The following FRMD4B variants were observed in gnomAD, a reference collection of about 807,000 sequenced individuals.
FRMD4B encodes the protein FERM domain-containing protein 4B.
A neutral mutation model predicts 141.5 loss-of-function variants in FRMD4B; 74 were observed. The observed-to-expected ratio is 0.52, with a 90% CI of 0.43 to 0.63. The LOEUF (loss-of-function observed/expected upper bound fraction) is 0.63. Among genes scored for constraint, FRMD4B ranks in the 30% least tolerant of loss-of-function variants. FRMD4B has a pLI of 0.00. For synonymous variants in FRMD4B, 506 were observed against 467.9 expected, an observed-to-expected ratio of 1.08 and a Z score of -1.05; for missense variants, 1,366 against 1,253.4, an observed-to-expected ratio of 1.09 and a Z score of -1.36.
At chr3:69,211,479 TCAAA>T (rs1191833831) in intron 11 of FRMD4B, among the ~76,000 whole-genome samples, 2 of 151,828 alleles carry the variant, frequency 1.3e-5, no homozygotes, top group Non-Finnish European at 2.9e-5. Context: ...CCCTGGGAGG[TCAAA>T]CAAATACCTC....
At chr3:69,334,418 G>A (rs913534857) in intron 1 of FRMD4B, 8 of 144,168 alleles carry the variant, frequency 5.5e-5, no homozygotes, top group Non-Finnish European at 1.0e-4. Context: ...CAGATTGCTT[G>A]AAGCCAGGAG....
intron 11 of FRMD4B, among the ~76,000 whole-genome samples, chr3:69,202,245 T>C (rs1387731187): frequency 6.6e-6 from 1 of 152,098 alleles, no homozygotes; most frequent in Non-Finnish European, 1.5e-5. Flanking sequence ...ACCAATGGTC[T>C]GTATTTGAGG....
At chr3:69,531,540 T>G (rs1483873643) in intron 1 of FRMD4B, among the ~76,000 whole-genome samples, 1 of 152,252 alleles carries the variant, frequency 6.6e-6, no homozygotes, top group Non-Finnish European at 1.5e-5. Flanking sequence ...CAACACTATG[T>G]AAATGAAACT....
rs768393120 is a variant in FRMD4B, at chr3:69,287,767, C to A, written c.486G>T (p.Lys162Asn). The change falls in exon 5 of 23, where the codon AAG becomes AAT. Residue 162 changes from lysine (K) to asparagine (N), a missense_variant. By Grantham distance (94) the Lys-to-Asn change is moderately conservative. Coordinates refer to ENST00000398540, the MANE Select transcript of FRMD4B (RefSeq NM_015123.3). ...TTVELFFLNA[K>N]ACVHKGQIEV... ...GGGCACCTACCTTGTGCACACAGGC[C>A]TTTGCATTCAGGAAAAACAGCTCCA... 13 of 1,591,884 alleles carry A rather than the reference C, an allele frequency of 8.2e-6. No homozygotes were observed. The highest frequency in any genetic ancestry group is 1.7e-5 in the Admixed American group (1 of 59,720).
intron 1 of FRMD4B, among the ~76,000 whole-genome samples, chr3:69,381,439 C>G (rs937630391): frequency 2.0e-5 from 3 of 152,196 alleles, no homozygotes; most frequent in Non-Finnish European, 4.4e-5. Context: ...CCTTCCCACC[C>G]TATTTCTCTC....
At chr3:69,344,003 C>T (rs1559818575) in intron 1 of FRMD4B, among the ~76,000 whole-genome samples, 1 of 152,312 alleles carries the variant, frequency 6.6e-6, no homozygotes, top group East Asian at 1.9e-4. Flanking sequence ...GCATCTTATT[C>T]ACCTCTGTAA....
At chr3:69,186,072 A>G (rs929692427) in intron 19 of FRMD4B, among the ~76,000 whole-genome samples, 68 of 151,996 alleles carry the variant, frequency 4.5e-4, no homozygotes, top group African/African-American at 1.6e-3. Context: ...GCTCAATAGA[A>G]ATGTTATATG....
intron 1 of FRMD4B, among the ~76,000 whole-genome samples, chr3:69,322,000 G>A (rs577735377): frequency 1.4e-4 from 21 of 152,218 alleles, no homozygotes; most frequent in African/African-American, 4.8e-4. Flanking sequence ...GAGCCATTGC[G>A]TCTGGCTCAC....
At chr3:69,307,096 C>A (rs1473034067) in intron 3 of FRMD4B, among the ~76,000 whole-genome samples, 1 of 152,048 alleles carries the variant, frequency 6.6e-6, no homozygotes, top group Non-Finnish European at 1.5e-5. Context: ...CAGGAGACAC[C>A]TCCCCAAACT....
intron 22 of FRMD4B, 49 bp downstream of exon 22, chr3:69,176,475 C>A: frequency 6.5e-7 from 1 of 1,532,520 alleles, no homozygotes; most frequent in Non-Finnish European, 9.0e-7. Context: ...TCCCTGAATT[C>A]TTTTGAACTG....
chr3:69,219,162 CAA>C (rs34697144), intron 9 of FRMD4B, among the ~76,000 whole-genome samples: 4 of 130,908 alleles, frequency 3.1e-5, no homozygotes, highest in African/African-American at 5.8e-5. Context: ...GAGAATCTGT[CAA>C]AAAAAAAAAA....
At chr3:69,512,697 A>G (rs1376973366) in intron 1 of FRMD4B, among the ~76,000 whole-genome samples, 2 of 152,228 alleles carry the variant, frequency 1.3e-5, no homozygotes, top group Admixed American at 6.5e-5. Flanking sequence ...ACTCAGACAC[A>G]TGAACACAGC....
At chr3:69,185,300 CAAA>C (rs1237352393) in intron 19 of FRMD4B, among the ~76,000 whole-genome samples, 3 of 67,918 alleles carry the variant, frequency 4.4e-5, no homozygotes, top group Non-Finnish European at 6.4e-5. Context: ...GACTCCGTCT[CAAA>C]AAAAAAAAAA....
intron 1 of FRMD4B, among the ~76,000 whole-genome samples, chr3:69,447,777 A>G (rs1045707905): frequency 1.3e-5 from 2 of 152,184 alleles, no homozygotes; most frequent in Admixed American, 1.3e-4. Flanking sequence ...AGAATTTCAC[A>G]TGAATAGAAT....
rs774316609 is a variant in FRMD4B, at chr3:69,427,643, G to GTTTTTTTTTTTTTTTTTTTTT, written c.-1+4970_-1+4990dup. Among the ~76,000 whole-genome samples the GTTTTTTTTTTTTTTTTTTTTT allele has an allele frequency of 5.5e-4, 20 of 36,240 alleles. 6 individuals carry two copies. The highest frequency in any genetic ancestry group is 8.5e-4 in the African/African-American group (8 of 9,386). The allele number at this position is 36,240 out of a possible 152,430, so 23.8% of individuals were successfully genotyped here. ...GTGTTTAGTAAGAAGCTAGGTAAAT[G>GTTTTTTTTTTTTTTTTTTTTT]TTTTTTTTTTTTTTTTTTTTTTTTT... On this transcript the variant is annotated intron_variant, in intron 2 of 5. Coordinates refer to the FRMD4B transcript ENST00000459638.
chr3:69,509,797 T>G (rs1191334279), intron 1 of FRMD4B, among the ~76,000 whole-genome samples: 1 of 152,024 alleles, frequency 6.6e-6, no homozygotes, highest in Non-Finnish European at 1.5e-5. Flanking sequence ...TCCAACAGCA[T>G]GTACTCACTT....
chr3:69,272,248 T>A, intron 5 of FRMD4B, among the ~76,000 whole-genome samples: 1 of 152,132 alleles, frequency 6.6e-6, no homozygotes, highest in Non-Finnish European at 1.5e-5. Flanking sequence ...TTCAAGTGAT[T>A]CTCCTGTCTC....
At chr3:69,521,972 T>C (rs771197001) in intron 1 of FRMD4B, among the ~76,000 whole-genome samples, 1 of 152,184 alleles carries the variant, frequency 6.6e-6, no homozygotes, top group Non-Finnish European at 1.5e-5. Flanking sequence ...CATTCGATGT[T>C]TCCTGAATGA....
chr3:69,279,036 C>T (rs1384216447), intron 5 of FRMD4B, among the ~76,000 whole-genome samples: 1 of 152,118 alleles, frequency 6.6e-6, no homozygotes, highest in Non-Finnish European at 1.5e-5. Context: ...TTAAATTAAA[C>T]ACAACACATA....
Sources: gnomAD v4.1 joint callset for allele counts (sites outside exome capture counted in the v4.1 genomes callset) on GRCh38, gnomAD v4.1.1 for gene constraint, MANE v1.5 for transcripts, NCBI Gene and HGNC (gene_info 2026-07-23, HGNC 2026-07-21) for gene names.